Variants in PDGFC observed in about 807,000 individuals in gnomAD.
PDGFC encodes the protein platelet-derived growth factor C.
Under a neutral mutation model 35.5 loss-of-function variants are expected in PDGFC, and 12 were observed. The ratio of observed to expected loss-of-function variants is 0.34; its 90% CI spans 0.22 to 0.55. PDGFC has a LOEUF of 0.55. PDGFC is among the 20% of genes least tolerant of loss of function. PDGFC has a pLI of 0.91. For synonymous variants in PDGFC, 159 were observed against 148.8 expected (o/e 1.07, Z -0.50); for missense variants, 322 against 412.4 (o/e 0.78, Z 1.90).
chr4:156,901,919 T>C (rs905133245), intron 1 of PDGFC, among the ~76,000 whole-genome samples: 1 of 152,180 alleles, frequency 6.6e-6, no homozygotes, highest in Non-Finnish European at 1.5e-5. Flanking sequence ...GCCAGGTATG[T>C]AGATTAAGGT....
intron 3 of PDGFC, among the ~76,000 whole-genome samples, chr4:156,775,738 C>A (rs1730811277): frequency 6.6e-6 from 1 of 152,180 alleles, no homozygotes; most frequent in Admixed American, 6.5e-5. Context: ...ATACCCATCC[C>A]TTCAAATGTG....
chr4:156,797,035 A>T (rs1731461599), intron 3 of PDGFC, among the ~76,000 whole-genome samples: 1 of 152,122 alleles, frequency 6.6e-6, no homozygotes, highest in African/African-American at 2.4e-5. Context: ...GAGGAGATTG[A>T]GACCATCTTG....
chr4:156,928,697 AT>A lies in PDGFC; in HGVS notation c.118+42088del, dbSNP rs145193884. On this transcript the variant is annotated intron_variant, in intron 1 of 5. Coordinates refer to ENST00000502773, the MANE Select transcript of PDGFC (RefSeq NM_016205.3). Reference sequence around the variant, plus strand: ...TCCATTGCTTCAGTTTCTTTTTACCATTTTTAAGAGACTATGAGAAATATCC... The same window carrying A: ...TCCATTGCTTCAGTTTCTTTTTACCATTTTAAGAGACTATGAGAAATATCC... 6.6e-3 allele frequency among the ~76,000 whole-genome samples: 1,008 copies of A among 152,326 alleles called. 17 individuals are homozygous for A. The highest frequency in any genetic ancestry group is 0.023 in the African/African-American group (964 of 41,570).
intron 5 of PDGFC, 65 bp downstream of exon 5, chr4:156,767,708 A>AT: frequency 1.0e-6 from 1 of 972,872 alleles, no homozygotes; most frequent in South Asian, 1.4e-5. Context: ...CGCATTTCAG[A>AT]TTCACTGTTT....
chr4:156,945,342 C>CATACATAT (rs1328692309), intron 1 of PDGFC, among the ~76,000 whole-genome samples: 48 of 81,052 alleles, frequency 5.9e-4, no homozygotes, highest in Non-Finnish European at 8.9e-4. Context: ...CATATACATA[C>CATACATAT]ATATATATAT....
At chr4:156,934,143 G>T (rs563443617) in intron 1 of PDGFC, among the ~76,000 whole-genome samples, 1 of 152,142 alleles carries the variant, frequency 6.6e-6, no homozygotes, top group Non-Finnish European at 1.5e-5. Flanking sequence ...TATATTCTGA[G>T]AAATGTGTCT....
chr4:156,965,258 TACTA>T (rs1392540142), intron 1 of PDGFC, among the ~76,000 whole-genome samples: 2 of 152,152 alleles, frequency 1.3e-5, no homozygotes, highest in Admixed American at 1.3e-4. Context: ...TTTAATAAGA[TACTA>T]ACTACCTCCA....
intron 1 of PDGFC, among the ~76,000 whole-genome samples, chr4:156,920,028 TC>T (rs1195598392): frequency 6.6e-6 from 1 of 152,074 alleles, no homozygotes; most frequent in African/African-American, 2.4e-5. Context: ...CCTCCTCCCC[TC>T]CATCTTGCTC....
At chr4:156,883,294 C>T (rs1312196570) in intron 1 of PDGFC, among the ~76,000 whole-genome samples, 2 of 152,058 alleles carry the variant, frequency 1.3e-5, no homozygotes, top group African/African-American at 4.8e-5. Flanking sequence ...ACTCTGTTTA[C>T]ATATGAAACA....
intron 3 of PDGFC, among the ~76,000 whole-genome samples, chr4:156,773,931 CT>C (rs1730752644): frequency 6.6e-6 from 1 of 152,178 alleles, no homozygotes. Context: ...TCGGCTCTTC[CT>C]TTTCATTCTC....
At chr4:156,824,301 T>TGC (rs1732361262) in intron 2 of PDGFC, among the ~76,000 whole-genome samples, 1 of 37,980 alleles carries the variant, frequency 2.6e-5, no homozygotes, top group Non-Finnish European at 6.1e-5. Context: ...TATATATATA[T>TGC]ATATATATAT....
Position 156,971,210 on chromosome 4 carries a change from T to C in PDGFC, c.-307A>G, listed in dbSNP as rs1466059335. The C allele has an allele frequency of 2.0e-5, 1 of 49,650 alleles. No individual in the cohort carries two copies. The highest frequency in any genetic ancestry group is 2.0e-4 in the African/African-American group (1 of 4,920). 3.1% of individuals were successfully genotyped at this position (49,650 alleles called of 1,614,324 possible). On this transcript the variant is annotated 5_prime_UTR_variant, in exon 1 of 6. Coordinates refer to ENST00000502773, the MANE Select transcript of PDGFC (RefSeq NM_016205.3). Reference sequence around the variant, plus strand: ...GGTGGGGGTGAAGGCGAGGGAGGAATGAGGGGGTGGGGACGCGGGGGAGCG... The same window carrying C: ...GGTGGGGGTGAAGGCGAGGGAGGAACGAGGGGGTGGGGACGCGGGGGAGCG...
At chr4:156,850,695 C>A (rs986238135) in intron 1 of PDGFC, among the ~76,000 whole-genome samples, 5 of 151,940 alleles carry the variant, frequency 3.3e-5, no homozygotes, top group African/African-American at 1.2e-4. Flanking sequence ...CTTTTGGAGT[C>A]CTAAAATCAC....
At chr4:156,957,084 G>A (rs531814226) in intron 1 of PDGFC, among the ~76,000 whole-genome samples, 1 of 151,836 alleles carries the variant, frequency 6.6e-6, no homozygotes, top group Non-Finnish European at 1.5e-5. Context: ...TACCAAATAA[G>A]CTCAGTTCTT....
intron 2 of PDGFC, among the ~76,000 whole-genome samples, chr4:156,827,884 A>C (rs1728819273): frequency 6.6e-6 from 1 of 152,198 alleles, no homozygotes; most frequent in Non-Finnish European, 1.5e-5. Context: ...TGAGGTCCTC[A>C]AAGATTTGCT....
At chr4:156,870,102 C>T (rs1019483300) in intron 1 of PDGFC, among the ~76,000 whole-genome samples, 1 of 151,960 alleles carries the variant, frequency 6.6e-6, no homozygotes, top group African/African-American at 2.4e-5. Flanking sequence ...TCATGTATCA[C>T]AATGAAAATT....
intron 1 of PDGFC, among the ~76,000 whole-genome samples, chr4:156,879,828 C>T (rs1345864577): frequency 6.6e-6 from 1 of 152,150 alleles, no homozygotes; most frequent in Non-Finnish European, 1.5e-5. Flanking sequence ...ACCAGGGTGA[C>T]TTTCAAGGAT....
chr4:156,920,690 CAT>C (rs1320833727), intron 1 of PDGFC, among the ~76,000 whole-genome samples: 21 of 135,792 alleles, frequency 1.5e-4, no homozygotes, highest in East Asian at 4.2e-4. Flanking sequence ...CACACACACA[CAT>C]ATACACACAC....
At chr4:156,806,527 C>A (rs2110931283) in intron 3 of PDGFC, among the ~76,000 whole-genome samples, 1 of 151,820 alleles carries the variant, frequency 6.6e-6, no homozygotes, top group South Asian at 2.1e-4. Context: ...AGAAAATCTT[C>A]AAATCTCACA....
Sources: allele counts gnomAD v4.1 joint callset (sites outside exome capture counted in the v4.1 genomes callset), GRCh38; gene constraint gnomAD v4.1.1; transcripts MANE v1.5; gene names NCBI Gene and HGNC (gene_info 2026-07-23, HGNC 2026-07-21).